The following SENP6 variants were observed in gnomAD, a reference collection of about 807,000 sequenced individuals.
SENP6 encodes SUMO specific peptidase 6.
Under a neutral mutation model 134.5 loss-of-function variants are expected in SENP6, and 41 were observed. The observed-to-expected ratio is 0.30, with a 90% CI of 0.24 to 0.40. The LOEUF is 0.40. SENP6 is among the 10% of genes least tolerant of loss of function. SENP6 has a pLI of 1.00. For missense variants in SENP6, 1,248 were observed against 1,312.5 expected (o/e 0.95, Z 0.76); for synonymous variants, 395 against 429.8 (o/e 0.92, Z 1.00).
rs72654712 is a variant in SENP6, at chr6:75,618,272, C to T, written c.53-3260C>T. On this transcript the variant is annotated intron_variant, in intron 1 of 23. Coordinates refer to ENST00000447266, the MANE Select transcript of SENP6 (RefSeq NM_015571.4). ...CCTTCTTTCCATTTATTTATTTATT[C>T]ATCTGTTTTTATCAGTATGGATTCG... 0.011 allele frequency among the ~76,000 whole-genome samples: 1,604 copies of T among 152,038 alleles called. 58 individuals are homozygous for T. The East Asian group carries it at 0.14, about 13-fold the overall frequency.
chr6:75,619,443 C>CTGTGTGTGTGTG (rs1247378803), intron 1 of SENP6, among the ~76,000 whole-genome samples: 1 of 72,706 alleles, frequency 1.4e-5, no homozygotes, highest in African/African-American at 4.7e-5. Flanking sequence ...TCCGTTGTGT[C>CTGTGTGTGTGTG]TATGTGTGTG....
intron 19 of SENP6, among the ~76,000 whole-genome samples, chr6:75,708,020 A>G (rs9443186): frequency 2.1e-4 from 32 of 152,286 alleles, no homozygotes; most frequent in African/African-American, 7.0e-4. Context: ...GTTATTTTAA[A>G]TAGTGTGCTT....
intron 19 of SENP6, among the ~76,000 whole-genome samples, chr6:75,703,980 T>C (rs1175001441): frequency 6.6e-6 from 1 of 152,150 alleles, no homozygotes; most frequent in Non-Finnish European, 1.5e-5. Flanking sequence ...CTTAGATGTA[T>C]AAGACAAATT....
At chr6:75,641,148 A>G (rs1769998036) in intron 6 of SENP6, among the ~76,000 whole-genome samples, 3 of 152,144 alleles carry the variant, frequency 2.0e-5, no homozygotes, top group African/African-American at 7.2e-5. Flanking sequence ...CAGTATCCAC[A>G]GTTCTACTCT....
chr6:75,621,738 AT>A (rs1768289220), intron 2 of SENP6, 113 bp downstream of exon 2: 6 of 617,902 alleles, frequency 9.7e-6, no homozygotes, highest in South Asian at 8.8e-5. Flanking sequence ...AAGAAAACAT[AT>A]AACTCTTTCA....
intron 16 of SENP6, among the ~76,000 whole-genome samples, chr6:75,690,207 A>C (rs1774141894): frequency 6.6e-6 from 1 of 152,214 alleles, no homozygotes; most frequent in Non-Finnish European, 1.5e-5. Context: ...CACTGCTCCC[A>C]ACCAGAAAGC....
intron 6 of SENP6, among the ~76,000 whole-genome samples, chr6:75,645,310 A>G (rs1205010343): frequency 6.6e-6 from 1 of 152,156 alleles, no homozygotes; most frequent in African/African-American, 2.4e-5. Context: ...GGAATCCTCA[A>G]ATTAAGAAAT....
chr6:75,651,270 A>G (rs867452660), intron 7 of SENP6, among the ~76,000 whole-genome samples: 6 of 151,916 alleles, frequency 3.9e-5, no homozygotes, highest in African/African-American at 1.5e-4. Context: ...CTGAATGTAC[A>G]TTTAATTATA....
intron 17 of SENP6, 150 bp downstream of exon 17, chr6:75,696,073 A>C: frequency 4.8e-6 from 3 of 620,346 alleles, no homozygotes; most frequent in African/African-American, 1.9e-5. Flanking sequence ...CACTAAATAA[A>C]TCAGTTCCAT....
chr6:75,602,346 G>A lies in SENP6; in HGVS notation c.-179G>A, dbSNP rs910799245. 5.0e-5 allele frequency: 29 copies of A among 576,150 alleles called. No individual in the cohort carries two copies. Among genetic ancestry groups the A allele is most frequent in the African/African-American group, 4.6e-4 (23 of 49,916 alleles). 35.7% of individuals were successfully genotyped at this position (576,150 alleles called of 1,614,324 possible). On this transcript the variant is annotated 5_prime_UTR_variant, in exon 1 of 24. Transcript: ENST00000447266. ...CGCCAGCCCGCGGACAGGCCCGGGC[G>A]CGCCTGGCCTGCCTTTGTATAGGCC...
At chr6:75,691,419 A>T (rs375152334) in intron 16 of SENP6, among the ~76,000 whole-genome samples, 4 of 152,212 alleles carry the variant, frequency 2.6e-5, no homozygotes, top group African/African-American at 9.6e-5. Flanking sequence ...ACTTCATCTT[A>T]TAGTTAAAGG....
intron 3 of SENP6, among the ~76,000 whole-genome samples, chr6:75,628,043 A>T (rs932237802): frequency 6.6e-6 from 1 of 152,202 alleles, no homozygotes; most frequent in African/African-American, 2.4e-5. Context: ...GTAAATATTT[A>T]TGTTTTAAAG....
Position 75,666,770 on chromosome 6 carries a change from A to T in SENP6, c.1053A>T (p.Ile351=). The change falls in exon 10 of 24, where the codon ATA becomes ATT. Residue 351 remains isoleucine, a synonymous_variant. Transcript: ENST00000447266. Reference sequence around the variant, plus strand: ...ACAGAACTAACAGAAGAGAAAGCATATCTCCTCAGCCTGCTGATTCAGCAT... The same window carrying T: ...ACAGAACTAACAGAAGAGAAAGCATTTCTCCTCAGCCTGCTGATTCAGCAT... ...DNDRTNRRES[I]SPQPADSACS... is the part of the protein sequence containing the mutation. 6.2e-7 allele frequency: 1 copy of T among 1,610,948 alleles called. No homozygotes were observed.
At chr6:75,619,749 A>C (rs1413175265) in intron 1 of SENP6, among the ~76,000 whole-genome samples, 1 of 152,138 alleles carries the variant, frequency 6.6e-6, no homozygotes, top group Non-Finnish European at 1.5e-5. Context: ...CAAGAGTTCC[A>C]GTTTCTCCCA....
chr6:75,666,757 G>A lies in SENP6; in HGVS notation c.1040G>A (p.Arg347Lys). ...GATGATGACAACGACAGAACTAACA[G>A]AAGAGAAAGCATATCTCCTCAGCCT... Reference protein sequence around the residue: ...DDDDDNDRTNRRESISPQPAD... With the variant: ...DDDDDNDRTNKRESISPQPAD... Residue 347 changes from arginine to lysine, a missense_variant, in exon 10 of 24, where the codon AGA (arginine) becomes AAA (lysine). By Grantham distance (26) the Arg-to-Lys change is conservative. This residue lies in a region of SENP6 where 733 missense variants were observed against 725.4 expected (regional missense o/e 1.01). Transcript: ENST00000447266. 1 of 1,607,834 alleles carries A rather than the reference G, an allele frequency of 6.2e-7. No homozygotes were observed.
intron 11 of SENP6, among the ~76,000 whole-genome samples, chr6:75,672,889 G>A (rs537569969): frequency 2.5e-4 from 38 of 152,094 alleles, no homozygotes; most frequent in African/African-American, 8.4e-4. Flanking sequence ...GTGCAGTGGC[G>A]CAATCTCGGC....
At chr6:75,658,388 A>G (rs1360182066) in intron 7 of SENP6, among the ~76,000 whole-genome samples, 1 of 152,120 alleles carries the variant, frequency 6.6e-6, no homozygotes, top group East Asian at 1.9e-4. Flanking sequence ...ATAAAAGAAT[A>G]TTAAATATAG....
At chr6:75,602,762 G>A (rs1766730776) in intron 1 of SENP6, among the ~76,000 whole-genome samples, 186 bp downstream of exon 1, 1 of 152,178 alleles carries the variant, frequency 6.6e-6, no homozygotes, top group Non-Finnish European at 1.5e-5. Context: ...TAGGCGAGGG[G>A]CTCGGCTGCG....
At chr6:75,604,487 C>CGTGT (rs1161312216) in intron 1 of SENP6, among the ~76,000 whole-genome samples, 1 of 151,688 alleles carries the variant, frequency 6.6e-6, no homozygotes, top group African/African-American at 2.4e-5. Flanking sequence ...AAAAATTAGC[C>CGTGT]GTGTGTGGTT....
Sources: gnomAD v4.1 joint callset for allele counts (sites outside exome capture counted in the v4.1 genomes callset) on GRCh38, gnomAD v4.1.1 for gene constraint, gnomAD v4.1.1 regional missense constraint, MANE v1.5 for transcripts, NCBI Gene and HGNC (gene_info 2026-07-23, HGNC 2026-07-21) for gene names.